MYCT1: variants seen among roughly 807,000 people sequenced by gnomAD.
The protein encoded by MYCT1 is myc target protein 1.
Under a neutral mutation model 15.0 loss-of-function variants are expected in MYCT1, and 12 were observed. That is an observed-to-expected ratio of 0.80 (90% CI 0.51 to 1.29). The LOEUF is 1.29. MYCT1 is among the 50% of genes most tolerant of loss of function. The pLI is 0.00. For missense variants in MYCT1, 287 were observed against 279.1 expected (o/e 1.03, Z -0.20); for synonymous variants, 104 against 102.7 (o/e 1.01, Z -0.07).
Position 152,721,910 on chromosome 6 carries a change from G to T in MYCT1, c.365G>T (p.Arg122Ile). The T allele has an allele frequency of 6.2e-7, 1 of 1,614,096 alleles. No homozygotes were observed. The highest frequency in any genetic ancestry group is 1.1e-5 in the South Asian group (1 of 91,078). ...SRSSYTHGLN[R>I]TGFYRHSGCE... ...TCTTCTTACACCCACGGCCTCAACA[G>T]AACTGGATTTTACCGCCACAGTGGC... The change falls in exon 2 of 2, where the codon AGA becomes ATA. Residue 122 changes from arginine to isoleucine, a missense_variant. Transcript: ENST00000367245.
the MYCT1 span, among the ~76,000 whole-genome samples, chr6:152,746,085 A>G: frequency 1.3e-5 from 2 of 152,070 alleles, no homozygotes; most frequent in African/African-American, 4.8e-5. Context: ...GGCCATGAGA[A>G]CTCACTCAGA....
the MYCT1 span, among the ~76,000 whole-genome samples, chr6:152,738,624 C>T: frequency 6.6e-6 from 1 of 152,012 alleles, no homozygotes; most frequent in Non-Finnish European, 1.5e-5. Context: ...ATAATGCTTA[C>T]TTCATAGAGT....
chr6:152,698,812 G>A (rs754005155), intron 1 of MYCT1, among the ~76,000 whole-genome samples: 1 of 152,120 alleles, frequency 6.6e-6, no homozygotes, highest in African/African-American at 2.4e-5. Context: ...GTATTTTTTG[G>A]AGAATTTTTT....
intron 1 of MYCT1, among the ~76,000 whole-genome samples, chr6:152,717,169 T>G (rs1198668142): frequency 1.4e-5 from 2 of 141,842 alleles, no homozygotes; most frequent in Non-Finnish European, 3.2e-5. Context: ...CAACTATAAT[T>G]AAATGAAAAA....
chr6:152,716,387 A>G (rs2099723694), intron 1 of MYCT1, among the ~76,000 whole-genome samples: 1 of 152,198 alleles, frequency 6.6e-6, no homozygotes, highest in African/African-American at 2.4e-5. Context: ...GCTTTGGTGA[A>G]CATTGAACTT....
At chr6:152,730,399 A>G in the MYCT1 span, among the ~76,000 whole-genome samples, 145 of 152,342 alleles carry the variant, frequency 9.5e-4, 2 homozygotes, top group East Asian at 0.012. Context: ...AACCCAAGAT[A>G]GCCACTGGAA....
chr6:152,729,768 C>T, the MYCT1 span, among the ~76,000 whole-genome samples: 1 of 152,288 alleles, frequency 6.6e-6, no homozygotes, highest in Non-Finnish European at 1.5e-5. Flanking sequence ...TGAGCAGCTA[C>T]ACCACAGGTG....
chr6:152,734,530 A>G, the MYCT1 span, among the ~76,000 whole-genome samples: 1 of 152,166 alleles, frequency 6.6e-6, no homozygotes, highest in Non-Finnish European at 1.5e-5. Flanking sequence ...GGTGGAAATA[A>G]GAGGTGGGAG....
Position 152,722,901 on chromosome 6 carries a change from G to T in MYCT1, c.*648G>T, listed in dbSNP as rs555501621. 18 of 175,498 alleles carry T rather than the reference G, an allele frequency of 1.0e-4. No individual in the cohort carries two copies. In the South Asian group the frequency reaches 1.8e-3, roughly 18 times the overall value. 10.9% of individuals were successfully genotyped at this position (175,498 alleles called of 1,614,324 possible). On this transcript the variant is annotated 3_prime_UTR_variant, in exon 2 of 2. Coordinates refer to ENST00000367245, the MANE Select transcript of MYCT1 (RefSeq NM_025107.3). ...CTACAGGGGTGCACTACCACACCGGGTTGAATTTTTTTTTAATTTTAGTAG... is the reference window on the plus strand; with the variant it reads ...CTACAGGGGTGCACTACCACACCGGTTTGAATTTTTTTTTAATTTTAGTAG...
At chr6:152,731,922 T>A in the MYCT1 span, among the ~76,000 whole-genome samples, 6 of 152,124 alleles carry the variant, frequency 3.9e-5, no homozygotes, top group Admixed American at 6.5e-5. Context: ...CCAATTTTTA[T>A]ATTTTTTATA....
chr6:152,743,952 G>A, the MYCT1 span, among the ~76,000 whole-genome samples: 1 of 152,208 alleles, frequency 6.6e-6, no homozygotes, highest in Non-Finnish European at 1.5e-5. Flanking sequence ...TGCAGCTCCT[G>A]CTTCCTTGAC....
the MYCT1 span, among the ~76,000 whole-genome samples, chr6:152,739,721 A>T: frequency 6.6e-6 from 1 of 152,130 alleles, no homozygotes; most frequent in Non-Finnish European, 1.5e-5. Flanking sequence ...TCATATATTC[A>T]AGTAAGCCCA....
At chr6:152,735,176 G>A in the MYCT1 span, among the ~76,000 whole-genome samples, 1 of 152,116 alleles carries the variant, frequency 6.6e-6, no homozygotes, top group East Asian at 1.9e-4. Context: ...TTGTAAGGCA[G>A]GTAGAGAGGA....
At chr6:152,732,999 G>GTC in the MYCT1 span, among the ~76,000 whole-genome samples, 2 of 152,234 alleles carry the variant, frequency 1.3e-5, no homozygotes, top group African/African-American at 4.8e-5. Flanking sequence ...CCAGGAATAT[G>GTC]TCAGAGCTTT....
intron 1 of MYCT1, among the ~76,000 whole-genome samples, chr6:152,716,962 G>A (rs1337371215): frequency 6.6e-6 from 1 of 151,974 alleles, no homozygotes; most frequent in Admixed American, 6.5e-5. Flanking sequence ...TTTTTAAAAA[G>A]TAATATCTTT....
intron 1 of MYCT1, among the ~76,000 whole-genome samples, chr6:152,703,990 ATTTTATTTTATTTTATT>A (rs1323528518): frequency 9.6e-4 from 128 of 132,886 alleles, no homozygotes; most frequent in Non-Finnish European, 1.7e-3. Context: ...ATTTTATTTT[ATTTTATTTTATTTTATT>A]TTATTTTTGA....
At chr6:152,735,615 T>A in the MYCT1 span, among the ~76,000 whole-genome samples, 1 of 152,110 alleles carries the variant, frequency 6.6e-6, no homozygotes, top group Non-Finnish European at 1.5e-5. Flanking sequence ...ATTCTAAAGT[T>A]TAGAAGTTTT....
At chr6:152,736,079 T>C in the MYCT1 span, among the ~76,000 whole-genome samples, 1 of 151,948 alleles carries the variant, frequency 6.6e-6, no homozygotes, top group South Asian at 2.1e-4. Context: ...AAAACCAGAG[T>C]CTTACATCGT....
intron 1 of MYCT1, among the ~76,000 whole-genome samples, chr6:152,707,878 A>G (rs1007247008): frequency 1.3e-5 from 2 of 152,018 alleles, no homozygotes; most frequent in African/African-American, 4.8e-5. Flanking sequence ...AAATGCCAGT[A>G]CCTTGCTGTT....
Sources: allele counts gnomAD v4.1 joint callset (sites outside exome capture counted in the v4.1 genomes callset), GRCh38; gene constraint gnomAD v4.1.1; transcripts MANE v1.5; gene names NCBI Gene and HGNC (gene_info 2026-07-23, HGNC 2026-07-21).